Variants in CERT1 observed in about 807,000 individuals in gnomAD.
The protein encoded by CERT1 is ceramide transfer protein.
Under a neutral mutation model 87.9 loss-of-function variants are expected in CERT1, and 31 were observed. That is an observed-to-expected ratio of 0.35 (90% CI 0.27 to 0.48). CERT1 has a LOEUF of 0.48. Ranked by LOEUF, CERT1 falls within the 20% of genes least tolerant of loss-of-function variation. The pLI is 0.99. For missense variants in CERT1, 487 were observed against 758.0 expected, an observed-to-expected ratio of 0.64 and a Z score of 4.20; for synonymous variants, 289 against 250.9, an observed-to-expected ratio of 1.15 and a Z score of -1.44.
At chr5:75,458,527 T>C (rs1237636480) in intron 3 of CERT1, among the ~76,000 whole-genome samples, 1 of 152,172 alleles carries the variant, frequency 6.6e-6, no homozygotes, top group Non-Finnish European at 1.5e-5. Context: ...GGGTATATTT[T>C]TGATGTAGTT....
At chr5:75,509,582 C>T (rs567236833) in intron 1 of CERT1, among the ~76,000 whole-genome samples, 153 of 152,098 alleles carry the variant, frequency 1.0e-3, no homozygotes, top group African/African-American at 3.4e-3. Flanking sequence ...TATAGTATAC[C>T]TACTCCAGAG....
At chr5:75,506,585 A>C (rs1404817918) in intron 1 of CERT1, among the ~76,000 whole-genome samples, 1 of 152,224 alleles carries the variant, frequency 6.6e-6, no homozygotes, top group East Asian at 1.9e-4. Context: ...GTATAAAGTC[A>C]ATTATTGCTA....
chr5:75,462,663 C>CA (rs1255779176), intron 2 of CERT1, among the ~76,000 whole-genome samples: 1 of 151,860 alleles, frequency 6.6e-6, no homozygotes. Context: ...GTTAAAAAAA[C>CA]AAAAAACAGA....
chr5:75,457,959 ATGTG>A (rs10549096), intron 3 of CERT1, among the ~76,000 whole-genome samples: 3,361 of 146,498 alleles, frequency 0.023, 89 homozygotes, highest in African/African-American at 0.067. Context: ...CCTGTTAAAA[ATGTG>A]TGTGTGTGTG....
chr5:75,499,876 T>C (rs1767263034), intron 2 of CERT1, among the ~76,000 whole-genome samples: 1 of 152,138 alleles, frequency 6.6e-6, no homozygotes, highest in East Asian at 1.9e-4. Flanking sequence ...TGTGCCCCCC[T>C]CAAAATCATA....
chr5:75,474,584 G>A (rs1297284712), intron 2 of CERT1, among the ~76,000 whole-genome samples: 4 of 151,952 alleles, frequency 2.6e-5, no homozygotes, highest in Non-Finnish European at 5.9e-5. Context: ...AATGAATTTA[G>A]CCTGCCCAGT....
At chr5:75,425,284 G>A in intron 5 of CERT1, 77 bp downstream of exon 5, 1 of 1,404,732 alleles carries the variant, frequency 7.1e-7, no homozygotes. Flanking sequence ...ATCACTTAAA[G>A]ACATTACCCT....
chr5:75,438,388 G>A (rs1227488451), intron 3 of CERT1, among the ~76,000 whole-genome samples: 1 of 152,116 alleles, frequency 6.6e-6, no homozygotes. Flanking sequence ...TGCTTTTTGA[G>A]GGTGAAGCAG....
chr5:75,485,431 G>GA (rs959918710), intron 2 of CERT1, among the ~76,000 whole-genome samples: 2 of 148,918 alleles, frequency 1.3e-5, no homozygotes, highest in Admixed American at 1.3e-4. Context: ...AAAAAATGTA[G>GA]AAAACCTTCA....
At chr5:75,463,371 C>T (rs1331849995) in intron 2 of CERT1, among the ~76,000 whole-genome samples, 2 of 152,066 alleles carry the variant, frequency 1.3e-5, no homozygotes, top group East Asian at 3.9e-4. Flanking sequence ...TTTCAACCCT[C>T]CCGAAGAACC....
chr5:75,420,614 T>G (rs1052459810), intron 5 of CERT1, among the ~76,000 whole-genome samples: 1 of 152,184 alleles, frequency 6.6e-6, no homozygotes, highest in Non-Finnish European at 1.5e-5. Context: ...AGGCTGTATC[T>G]GTATCCAGGC....
intron 1 of CERT1, among the ~76,000 whole-genome samples, chr5:75,506,760 T>C (rs1242551080): frequency 6.6e-6 from 1 of 152,198 alleles, no homozygotes; most frequent in Non-Finnish European, 1.5e-5. Context: ...CCTCTGAACA[T>C]GCATTTTTCA....
chr5:75,377,070 C>T (rs1348857044), downstream of CERT1: 1 of 152,066 alleles, frequency 6.6e-6, no homozygotes, highest in African/African-American at 2.4e-5. Flanking sequence ...GCAATATCTA[C>T]TAATATTTTA....
rs141584096 is a variant in CERT1 at position 75,453,800 on chromosome 5, T to C, written c.348+5265A>G. ...TAGAAGTCCTGTAAAATAAAACTCA[T>C]TTTGTTTGCACGCGTGTATGTATGT... is the stretch of plus-strand genomic sequence containing the variant. On this transcript the variant is annotated intron_variant, in intron 3 of 16. Transcript: ENST00000643780. Among the ~76,000 whole-genome samples, 132 of 142,670 alleles carry C rather than the reference T, an allele frequency of 9.3e-4. 2 individuals are homozygous for C. In the East Asian group the frequency reaches 0.026, roughly 28 times the overall value. 93.6% of individuals were successfully genotyped at this position (142,670 alleles called of 152,430 possible). A position where few individuals can be genotyped will look rare whatever the true frequency, so the allele number is the denominator to read the frequency against.
intron 2 of CERT1, among the ~76,000 whole-genome samples, chr5:75,504,190 A>C (rs1206558948): frequency 6.6e-6 from 1 of 152,122 alleles, no homozygotes; most frequent in Non-Finnish European, 1.5e-5. Flanking sequence ...ATCGCAAGGT[A>C]CATTTCAATC....
chr5:75,462,486 C>CGG (rs1167138131), intron 2 of CERT1, among the ~76,000 whole-genome samples: 1 of 152,278 alleles, frequency 6.6e-6, no homozygotes, highest in East Asian at 1.9e-4. Flanking sequence ...GAGGTAATGT[C>CGG]GGCTTGCCTG....
chr5:75,423,504 T>C (rs531008383), intron 5 of CERT1, among the ~76,000 whole-genome samples: 13 of 152,274 alleles, frequency 8.5e-5, no homozygotes, highest in Non-Finnish European at 1.8e-4. Context: ...CTTTGGGCAG[T>C]TGAGGTGGGA....
chr5:75,444,639 T>G (rs184011157), intron 3 of CERT1, among the ~76,000 whole-genome samples: 150 of 149,128 alleles, frequency 1.0e-3, no homozygotes, highest in Middle Eastern at 3.5e-3. Flanking sequence ...CTCCACCTCC[T>G]GGGTTCAAGA....
At chr5:75,400,343 T>C (rs921403283) in intron 9 of CERT1, 46 bp from the exon 10 acceptor site, 8 of 1,363,626 alleles carry the variant, frequency 5.9e-6, no homozygotes, top group Non-Finnish European at 8.3e-6. Flanking sequence ...TAAAGTGTAT[T>C]TTGTAACTCA....
Sources: gnomAD v4.1 joint callset for allele counts (sites outside exome capture counted in the v4.1 genomes callset) on GRCh38, gnomAD v4.1.1 for gene constraint, MANE v1.5 for transcripts, NCBI Gene and HGNC (gene_info 2026-07-23, HGNC 2026-07-21) for gene names.